The following ITGAL variants were observed in gnomAD, a reference collection of about 807,000 sequenced individuals.
The protein encoded by ITGAL is integrin alpha-L.
In ITGAL, 68 loss-of-function variants were observed where a neutral mutation model predicts 138.4. The ratio of observed to expected loss-of-function variants is 0.49; its 90% CI spans 0.40 to 0.60. The LOEUF (loss-of-function observed/expected upper bound fraction) is 0.60. ITGAL is among the 20% of genes least tolerant of loss of function. The probability of loss-of-function intolerance (pLI) is 0.00; values close to 1 mark genes in which losing one functional copy is unlikely to be tolerated. For synonymous variants in ITGAL, 561 were observed against 584.3 expected, an observed-to-expected ratio of 0.96 and a Z score of 0.57; for missense variants, 1,256 against 1,478.6, an observed-to-expected ratio of 0.85 and a Z score of 2.47.
chr16:30,494,133 G>T lies in ITGAL; in HGVS notation c.1214-79G>T, dbSNP rs1899342319. On this transcript the variant is annotated intron_variant, in intron 11 of 30. Transcript: ENST00000356798. The surrounding 1 kb of genome is among the most constrained non-coding windows in gnomAD (Gnocchi z 4.2). Reference sequence around the variant, plus strand: ...ATCTCTGCTACTAACCCAATTCCCTGGGGCCCCTGCCCCTCTCCTGCTGGG... The same window carrying T: ...ATCTCTGCTACTAACCCAATTCCCTTGGGCCCCTGCCCCTCTCCTGCTGGG... 1.5e-6 allele frequency: 2 copies of T among 1,364,422 alleles called. No homozygotes were observed. Among genetic ancestry groups the T allele is most frequent in the Admixed American group, 4.4e-5 (2 of 45,748 alleles). The allele number at this position is 1,364,422 out of a possible 1,614,324, so 84.5% of individuals were successfully genotyped here. A position where few individuals can be genotyped will look rare whatever the true frequency, so the allele number is the denominator to read the frequency against.
At chr16:30,518,177 G>A (rs910656318) in intron 28 of ITGAL, among the ~76,000 whole-genome samples, 22 of 152,274 alleles carry the variant, frequency 1.4e-4, no homozygotes, top group African/African-American at 5.1e-4. Flanking sequence ...AGGCTGGGGC[G>A]GGGCTCAAGC....
chr16:30,506,265 A>T (rs1192732813), intron 20 of ITGAL, among the ~76,000 whole-genome samples: 4 of 147,610 alleles, frequency 2.7e-5, no homozygotes, highest in Admixed American at 6.8e-5. Context: ...GTCTCAATAA[A>T]AAAAAAAAAA....
chr16:30,484,523 G>A lies in ITGAL; in HGVS notation c.1006+260G>A, dbSNP rs557460719. Reference sequence around the variant, plus strand: ...CTCAGGAGGCTGAGGCGCAAGAATCGCTTGAACTCAGGAGGCAGAGGTTGC... The same window carrying A: ...CTCAGGAGGCTGAGGCGCAAGAATCACTTGAACTCAGGAGGCAGAGGTTGC... On this transcript the variant is annotated intron_variant, in intron 9 of 30. Coordinates refer to ENST00000356798, the MANE Select transcript of ITGAL (RefSeq NM_002209.3). Among the ~76,000 whole-genome samples the A allele has an allele frequency of 7.4e-4, 113 of 151,978 alleles. 1 individual carries two copies. Among genetic ancestry groups the A allele is most frequent in the Non-Finnish European group, 6.0e-4 (41 of 67,998 alleles).
At chr16:30,511,530 A>G (rs2051091535) in intron 24 of ITGAL, among the ~76,000 whole-genome samples, 2 of 152,182 alleles carry the variant, frequency 1.3e-5, no homozygotes, top group South Asian at 4.1e-4. Flanking sequence ...CCAAGGTCCA[A>G]TAGCTGGAAG....
intron 4 of ITGAL, among the ~76,000 whole-genome samples, chr16:30,478,678 T>C (rs1216227781): frequency 3.8e-5 from 3 of 79,996 alleles, no homozygotes; most frequent in East Asian, 2.9e-4. Context: ...GCCTAGGCGA[T>C]AGAGCGAAGA....
chr16:30,505,018 T>TGAA (rs531874072), intron 18 of ITGAL: 7 of 249,574 alleles, frequency 2.8e-5, no homozygotes, highest in Non-Finnish European at 2.9e-5. Context: ...AAGACAGTCT[T>TGAA]AAAAAAAAAA....
rs538695456 is a variant in ITGAL, at chr16:30,506,063, C to G, written c.2366+601C>G. On this transcript the variant is annotated intron_variant, in intron 20 of 30. Transcript: ENST00000356798. ...TCACCTGAGGTCAGGAGCTCGAGGC[C>G]AGCCTGGCCAACATGGTGAAACCCT... Among the ~76,000 whole-genome samples, 71 of 151,866 alleles carry G rather than the reference C, an allele frequency of 4.7e-4. 1 individual carries two copies. Among genetic ancestry groups the G allele is most frequent in the Admixed American group, 1.1e-3 (17 of 15,240 alleles).
intron 6 of ITGAL, chr16:30,480,877 G>T: frequency 6.6e-6 from 1 of 150,494 alleles, no homozygotes; most frequent in East Asian, 2.0e-4. Context: ...CGTGCCTGAA[G>T]TCCCAGCTAC....
At chr16:30,488,297 T>G (rs2151151001) in intron 9 of ITGAL, among the ~76,000 whole-genome samples, 1 of 152,148 alleles carries the variant, frequency 6.6e-6, no homozygotes, top group East Asian at 1.9e-4. Context: ...CCAGGTGGAT[T>G]TGGTTTCTTA....
chr16:30,517,627 A>T, intron 26 of ITGAL, 22 bp from the exon 27 acceptor site: 2 of 1,611,538 alleles, frequency 1.2e-6, no homozygotes, highest in Non-Finnish European at 1.7e-6. Context: ...GCTCTAACTG[A>T]AGACCTGCCG....
At chr16:30,502,618 G>T (rs1351270124) in intron 17 of ITGAL, among the ~76,000 whole-genome samples, 1 of 151,112 alleles carries the variant, frequency 6.6e-6, no homozygotes, top group Non-Finnish European at 1.5e-5. Context: ...TGTGGTGGCA[G>T]GCGCCTGTAA....
intron 29 of ITGAL, 67 bp from the exon 30 acceptor site, chr16:30,519,790 C>T (rs1210144376): frequency 2.9e-6 from 3 of 1,023,876 alleles, no homozygotes; most frequent in Non-Finnish European, 4.7e-6. Flanking sequence ...GGGAATGGAA[C>T]CAGGTTCACA....
At chr16:30,498,293 A>G (rs2050834468) in intron 15 of ITGAL, among the ~76,000 whole-genome samples, 1 of 148,864 alleles carries the variant, frequency 6.7e-6, no homozygotes, top group Admixed American at 6.7e-5. Flanking sequence ...GGAGCCAGGC[A>G]CTGGGGCTCA....
At chr16:30,508,533 C>T (rs58610676) in intron 21 of ITGAL, among the ~76,000 whole-genome samples, 1,880 of 152,254 alleles carry the variant, frequency 0.012, 31 homozygotes, top group African/African-American at 0.04. Context: ...TATACAGCAA[C>T]ATTAAATGTT....
chr16:30,486,511 A>G (rs1392140955), intron 9 of ITGAL, among the ~76,000 whole-genome samples: 8 of 152,120 alleles, frequency 5.3e-5, no homozygotes, highest in Non-Finnish European at 1.2e-4. Flanking sequence ...TTTAAAAAAA[A>G]GTTTTTAAAA....
intron 17 of ITGAL, 48 bp from the exon 18 acceptor site, chr16:30,504,127 C>T (rs753426446): frequency 1.1e-4 from 150 of 1,375,546 alleles, no homozygotes; most frequent in Non-Finnish European, 1.4e-4. Context: ...ATCGGAAGTG[C>T]GGTAAAAGTT....
At chr16:30,483,783 C>A (rs963029589) in intron 7 of ITGAL, 44 bp from the exon 8 acceptor site, 10 of 1,569,784 alleles carry the variant, frequency 6.4e-6, no homozygotes, top group Non-Finnish European at 8.7e-6. Flanking sequence ...GACCTCAGGC[C>A]CTAGTTTGGG....
chr16:30,479,601 G>A (rs2151144146), intron 6 of ITGAL, 140 bp downstream of exon 6: 1 of 555,336 alleles, frequency 1.8e-6, no homozygotes, highest in South Asian at 2.0e-5. Flanking sequence ...GAAGGGACAA[G>A]AACCAGGGAG....
Position 30,510,474 on chromosome 16 carries a change from G to T in ITGAL, c.2619+3G>T, listed in dbSNP as rs755100296. ...CCATCTTCAAAGCAGGCCACTCGGT[G>T]AGTGCTTCAAGTCTCCAGGGACCAA... On this transcript the variant is annotated splice_donor_region_variant and intron_variant, in intron 22 of 30. Coordinates refer to ENST00000356798, the MANE Select transcript of ITGAL (RefSeq NM_002209.3). 1.3e-6 allele frequency: 2 copies of T among 1,563,186 alleles called. No homozygotes were observed. Among genetic ancestry groups the T allele is most frequent in the Middle Eastern group, 1.7e-4 (1 of 5,958 alleles).
Sources: gnomAD v4.1 joint callset for allele counts (sites outside exome capture counted in the v4.1 genomes callset) on GRCh38, gnomAD v4.1.1 for gene constraint, Gnocchi (gnomAD v3.1) non-coding constraint, MANE v1.5 for transcripts, NCBI Gene and HGNC (gene_info 2026-07-23, HGNC 2026-07-21) for gene names.